Variants in JAK1 observed in about 807,000 individuals in gnomAD.
JAK1 encodes the protein Janus kinase 1.
A neutral mutation model predicts 136.6 loss-of-function variants in JAK1; 16 were observed. That is an observed-to-expected ratio of 0.12 (90% CI 0.08 to 0.18). JAK1 has a LOEUF of 0.18. Ranked by LOEUF, JAK1 falls within the 10% of genes least tolerant of loss-of-function variation. The probability of loss-of-function intolerance (pLI) is 1.00; values close to 1 mark genes in which losing one functional copy is unlikely to be tolerated. For missense variants in JAK1, 859 were observed against 1,450.1 expected (o/e 0.59, Z 6.62); for synonymous variants, 492 against 519.5 (o/e 0.95, Z 0.72).
chr1:64,893,961 C>T (rs1418840731), intron 1 of JAK1, among the ~76,000 whole-genome samples: 2 of 152,230 alleles, frequency 1.3e-5, no homozygotes, highest in African/African-American at 2.4e-5. Flanking sequence ...CCTACTTCTT[C>T]TCACCTGTCA....
chr1:65,015,676 G>A (rs1372037938), intron 2 of JAK1, among the ~76,000 whole-genome samples: 1 of 152,080 alleles, frequency 6.6e-6, no homozygotes, highest in Non-Finnish European at 1.5e-5. Context: ...TATTCAAACA[G>A]GTTGAAATTT....
intron 7 of JAK1, 73 bp from the exon 8 acceptor site, chr1:64,865,045 T>C: frequency 8.0e-7 from 1 of 1,254,692 alleles, no homozygotes; most frequent in Admixed American, 2.1e-5. Flanking sequence ...TCAGTGCTGC[T>C]GGGAAACCTA....
At chr1:65,016,019 G>T (rs1028953189) in intron 2 of JAK1, among the ~76,000 whole-genome samples, 2 of 152,194 alleles carry the variant, frequency 1.3e-5, no homozygotes, top group Non-Finnish European at 2.9e-5. Context: ...ACATAAAGAG[G>T]AGTGAAGTTC....
intron 1 of JAK1, among the ~76,000 whole-genome samples, chr1:64,896,469 A>C (rs1645014922): frequency 6.6e-6 from 1 of 152,246 alleles, no homozygotes; most frequent in South Asian, 2.1e-4. Flanking sequence ...GATAATTTGC[A>C]AGACTACTTA....
chr1:64,960,645 T>C (rs1039094959), intron 1 of JAK1, among the ~76,000 whole-genome samples: 1 of 152,194 alleles, frequency 6.6e-6, no homozygotes, highest in Middle Eastern at 3.2e-3. Flanking sequence ...TAATCTTCCC[T>C]GAGTTAAAGC....
At chr1:64,899,624 T>C (rs1350090231) in intron 1 of JAK1, among the ~76,000 whole-genome samples, 1 of 152,178 alleles carries the variant, frequency 6.6e-6, no homozygotes, top group Non-Finnish European at 1.5e-5. Context: ...GAAATGCTCA[T>C]TGGAGGATTT....
At chr1:64,970,085 G>C (rs887225889), upstream of JAK1, among the ~76,000 whole-genome samples, 1 of 134,584 alleles carries the variant, frequency 7.4e-6, no homozygotes, top group Admixed American at 8.6e-5. Context: ...CAGTGAGCTA[G>C]TATGGTGCCA....
intron 2 of JAK1, among the ~76,000 whole-genome samples, chr1:65,002,682 G>A (rs975038227): frequency 1.3e-5 from 2 of 152,230 alleles, no homozygotes; most frequent in African/African-American, 4.8e-5. Flanking sequence ...CCGAAAGTGC[G>A]AGCCTGGCCG....
At chr1:65,032,545 T>A (rs1237194401) in intron 2 of JAK1, among the ~76,000 whole-genome samples, 1 of 151,996 alleles carries the variant, frequency 6.6e-6, no homozygotes, top group Non-Finnish European at 1.5e-5. Context: ...CTAAAGGAAA[T>A]ACAATGAATC....
intron 2 of JAK1, among the ~76,000 whole-genome samples, chr1:64,973,338 G>A (rs978166783): frequency 6.8e-6 from 1 of 146,426 alleles, no homozygotes; most frequent in Non-Finnish European, 1.5e-5. Context: ...AAGGAGGGAG[G>A]GGAGGGGAAG....
chr1:65,014,015 T>C (rs368459674), intron 2 of JAK1, among the ~76,000 whole-genome samples: 1 of 152,066 alleles, frequency 6.6e-6, no homozygotes, highest in East Asian at 1.9e-4. Context: ...TTACTGAGAT[T>C]GAGAGCAAAA....
intron 12 of JAK1, among the ~76,000 whole-genome samples, chr1:64,849,548 T>G (rs1335342216): frequency 6.6e-6 from 1 of 152,216 alleles, no homozygotes; most frequent in East Asian, 1.9e-4. Context: ...GGAAGCTATC[T>G]CCGTCCTCTC....
At chr1:65,027,807 C>T (rs1467654864) in intron 2 of JAK1, among the ~76,000 whole-genome samples, 3 of 152,182 alleles carry the variant, frequency 2.0e-5, no homozygotes, top group East Asian at 3.9e-4. Context: ...CCCTGCCATG[C>T]TCAGTCATTG....
Position 64,846,983 on chromosome 1 carries a change from G to A in JAK1, c.1900-247C>T, listed in dbSNP as rs1484054723. 4.3e-5 allele frequency: 23 copies of A among 530,610 alleles called. No homozygotes were observed. In the East Asian group the frequency reaches 5.9e-4, roughly 14 times the overall value. The allele number at this position is 530,610 out of a possible 1,614,324, so 32.9% of individuals were successfully genotyped here. A position where few individuals can be genotyped will look rare whatever the true frequency, so the allele number is the denominator to read the frequency against. On this transcript the variant is annotated intron_variant, in intron 13 of 24. Coordinates refer to ENST00000342505, the MANE Select transcript of JAK1 (RefSeq NM_002227.4). ...ACAGGATGCAGAGCAGGGCTGGTGG[G>A]AGAAGCTGGCTAAGAATTTTCCCAC...
intron 1 of JAK1, chr1:65,066,927 C>G (rs968868257): frequency 8.5e-5 from 13 of 152,340 alleles, no homozygotes; most frequent in Non-Finnish European, 1.9e-4. Context: ...CACACACACC[C>G]CGCCCCTCCG....
At chr1:64,902,583 A>AGAGAGTGTGTGT in intron 1 of JAK1, among the ~76,000 whole-genome samples, 13,137 of 74,192 alleles carry the variant, frequency 0.18, 1,529 homozygotes, top group South Asian at 0.3. Context: ...AGAGAGAGAG[A>AGAGAGTGTGTGT]GTGTGTGTGT....
At chr1:64,977,677 C>T (rs979729495) in intron 2 of JAK1, among the ~76,000 whole-genome samples, 34 of 151,998 alleles carry the variant, frequency 2.2e-4, no homozygotes, top group African/African-American at 7.2e-5. Flanking sequence ...ATGATCTACA[C>T]GTCTTGGCCT....
intron 1 of JAK1, among the ~76,000 whole-genome samples, chr1:64,951,649 CTTTTTTTTTTTTTT>C (rs71056071): frequency 1.3e-5 from 1 of 76,960 alleles, no homozygotes; most frequent in Non-Finnish European, 2.3e-5. Flanking sequence ...CAAGTTCTGC[CTTTTTTTTTTTTTT>C]TTTTTTTTTT....
intron 1 of JAK1, among the ~76,000 whole-genome samples, chr1:65,048,853 G>A (rs1647215247): frequency 6.6e-6 from 1 of 152,068 alleles, no homozygotes; most frequent in Non-Finnish European, 1.5e-5. Flanking sequence ...TTTCTCATGG[G>A]AGCAGCTGTA....
Sources: allele counts gnomAD v4.1 joint callset (sites outside exome capture counted in the v4.1 genomes callset), GRCh38; gene constraint gnomAD v4.1.1; transcripts MANE v1.5; gene names NCBI Gene and HGNC (gene_info 2026-07-23, HGNC 2026-07-21).